The following ECPAS variants were observed in gnomAD, a reference collection of about 807,000 sequenced individuals.
ECPAS encodes proteasome adapter and scaffold protein ECM29.
In ECPAS, 70 loss-of-function variants were observed where a neutral mutation model predicts 255.1. That is an observed-to-expected ratio of 0.27 (90% CI 0.23 to 0.33). ECPAS has a LOEUF of 0.33. Among genes scored for constraint, ECPAS ranks in the 10% least tolerant of loss-of-function variants. The pLI is 1.00. For missense variants in ECPAS, 1,817 were observed against 2,206.4 expected (o/e 0.82, Z 3.54); for synonymous variants, 784 against 775.0 (o/e 1.01, Z -0.19).
At chr9:111,454,900 T>A (rs999072946) in intron 2 of ECPAS, among the ~76,000 whole-genome samples, 19 of 151,950 alleles carry the variant, frequency 1.3e-4, no homozygotes, top group African/African-American at 4.6e-4. Context: ...GACAGAGGTC[T>A]CTGGTCTTGA....
At chr9:111,442,051 G>A (rs1376954824) in intron 5 of ECPAS, among the ~76,000 whole-genome samples, 1 of 152,154 alleles carries the variant, frequency 6.6e-6, no homozygotes, top group African/African-American at 2.4e-5. Context: ...ACTGCTTCAA[G>A]ATAACTAGCC....
chr9:111,467,209 AAGAAG>A (rs966167088), intron 2 of ECPAS, among the ~76,000 whole-genome samples: 2 of 152,180 alleles, frequency 1.3e-5, no homozygotes, highest in Non-Finnish European at 2.9e-5. Flanking sequence ...GAAGAGAAAA[AAGAAG>A]AGAAGAGATG....
Position 111,414,490 on chromosome 9 carries a change from C to T in ECPAS, c.1926G>A (p.Gly642=), listed in dbSNP as rs1428437751. 3 of 1,613,740 alleles carry T rather than the reference C, an allele frequency of 1.9e-6. No homozygotes were observed. The highest frequency in any genetic ancestry group is 2.5e-6 in the Non-Finnish European group (3 of 1,179,836). The stretch of plus-strand genomic sequence containing the variant: ...TGTAGATCTGGACAGGGTTAGTCTC[C>T]CCACTCTTGTTAGATGATGAGGGTG... ...QMAPSSSNKS[G]ETNPVQIYIG... is the part of the protein sequence containing the mutation. The change falls in exon 19 of 50, where the codon GGG becomes GGA. Residue 642 remains glycine, a synonymous_variant. Transcript: ENST00000684092.
At position 111,425,782 on chromosome 9, in the gene ECPAS, C is replaced by A. The variant is rs1194686876; in HGVS notation, c.1097G>T (p.Arg366Ile). The change falls in exon 11 of 50, where the codon AGA (arginine) becomes ATA (isoleucine). Residue 366 changes from arginine to isoleucine, a missense_variant. Around this residue, in one of 4 missense-constraint regions of ECPAS, gnomAD observed 573 missense variants for 716.2 expected, o/e 0.80. Coordinates refer to ENST00000684092, the MANE Select transcript of ECPAS (RefSeq NM_001364929.1). ...LFGTNTNSKLRTLSLQFVHHI... is the reference protein window; with the variant it reads ...LFGTNTNSKLITLSLQFVHHI... ...ATGCACAAATTGCAGGGATAATGTT[C>A]TTAACTTTGAATTTGTATTTGTACC... The A allele has an allele frequency of 6.3e-7, 1 of 1,590,556 alleles. No individual in the cohort carries two copies. Among genetic ancestry groups the A allele is most frequent in the Non-Finnish European group, 8.6e-7 (1 of 1,161,724 alleles).
intron 45 of ECPAS, 96 bp from the exon 46 acceptor site, chr9:111,369,269 T>C: frequency 4.6e-6 from 4 of 869,162 alleles, no homozygotes; most frequent in Non-Finnish European, 6.3e-6. Context: ...AGGCAGGAGA[T>C]ATTAACCAAG....
In ECPAS at chr9:111,425,513, C is replaced by T. The variant is rs770948833; in HGVS notation, c.1137-17G>A. ...TCTGGACAGCTTTAAATAAAACACA[C>T]ATACACAAAGCAAGATAAGAATCTC... is the stretch of plus-strand genomic sequence containing the variant. On this transcript the variant is annotated splice_polypyrimidine_tract_variant and intron_variant, in intron 11 of 49. Transcript: ENST00000684092. 3.2e-6 allele frequency: 5 copies of T among 1,542,086 alleles called. No homozygotes were observed. The highest frequency in any genetic ancestry group is 2.3e-5 in the East Asian group (1 of 43,510).
rs1441209033 is a variant in ECPAS at position 111,390,148 on chromosome 9, T to G, written c.3162-47A>C. On this transcript the variant is annotated intron_variant, in intron 29 of 49. Coordinates refer to ENST00000684092, the MANE Select transcript of ECPAS (RefSeq NM_001364929.1). ...GTAGGCAATAATACACTTCTCTCTC[T>G]CCAGCCTAAAAAATTACATCATCAA... 3 of 1,153,594 alleles carry G rather than the reference T, an allele frequency of 2.6e-6. No individual in the cohort carries two copies. The South Asian group carries it at 4.4e-5, about 17-fold the overall frequency. The allele number at this position is 1,153,594 out of a possible 1,614,324, so 71.5% of individuals were successfully genotyped here.
At chr9:111,437,641 A>G (rs1315198334) in intron 6 of ECPAS, among the ~76,000 whole-genome samples, 1 of 152,218 alleles carries the variant, frequency 6.6e-6, no homozygotes, top group Non-Finnish European at 1.5e-5. Flanking sequence ...CACGTACCAC[A>G]TAAGCACATA....
chr9:111,440,986 A>G (rs2098245047), intron 5 of ECPAS, among the ~76,000 whole-genome samples: 1 of 151,790 alleles, frequency 6.6e-6, no homozygotes, highest in Non-Finnish European at 1.5e-5. Context: ...CCCCGTCTCT[A>G]CTAAAAATAC....
chr9:111,479,096 T>C (rs2098300272), intron 1 of ECPAS, among the ~76,000 whole-genome samples: 1 of 152,098 alleles, frequency 6.6e-6, no homozygotes, highest in Non-Finnish European at 1.5e-5. Context: ...CCAGGGGACC[T>C]AAGAAGCCTG....
intron 41 of ECPAS, 100 bp from the exon 42 acceptor site, chr9:111,372,720 G>C (rs1370455455): frequency 1.1e-6 from 1 of 920,310 alleles, no homozygotes; most frequent in Non-Finnish European, 1.6e-6. Context: ...AAAACAAACA[G>C]GTAAAATCAA....
intron 37 of ECPAS, among the ~76,000 whole-genome samples, chr9:111,376,053 A>G (rs571873060): frequency 1.4e-4 from 21 of 152,324 alleles, no homozygotes; most frequent in African/African-American, 5.1e-4. Context: ...TATGACTAAA[A>G]CAACATATCG....
intron 18 of ECPAS, among the ~76,000 whole-genome samples, chr9:111,415,062 C>A (rs1311122588): frequency 1.3e-5 from 2 of 151,844 alleles, no homozygotes; most frequent in Non-Finnish European, 2.9e-5. Context: ...GGGAGAGGAG[C>A]AGAAAAGATA....
chr9:111,370,822 T>C, intron 43 of ECPAS, 57 bp from the exon 44 acceptor site: 1 of 1,469,308 alleles, frequency 6.8e-7, no homozygotes, highest in East Asian at 2.4e-5. Context: ...ATTTACACTG[T>C]CTAAACCATG....
At chr9:111,363,509 G>A (rs775241486) in intron 49 of ECPAS, 79 bp downstream of exon 49, 4 of 810,258 alleles carry the variant, frequency 4.9e-6, no homozygotes, top group South Asian at 1.5e-5. Flanking sequence ...AAGAGTATAA[G>A]CAAAAACGAA....
chr9:111,416,885 T>C lies in ECPAS; in HGVS notation c.1684-533A>G, dbSNP rs78542968. 2.3e-4 allele frequency among the ~76,000 whole-genome samples: 35 copies of C among 152,280 alleles called. No homozygotes were observed. In the East Asian group the frequency reaches 6.6e-3, roughly 29 times the overall value. On this transcript the variant is annotated intron_variant, in intron 17 of 49. Transcript: ENST00000684092. Reference sequence around the variant, plus strand: ...TGGATGGTCATTACTGCCAATATCCTGGATCTACTAGCAGAAAACACTGTG... The same window carrying C: ...TGGATGGTCATTACTGCCAATATCCCGGATCTACTAGCAGAAAACACTGTG...
In ECPAS at chr9:111,408,576, C is replaced by T; in HGVS notation, c.2647G>A (p.Val883Met). The T allele has an allele frequency of 6.4e-7, 1 of 1,554,194 alleles. No individual in the cohort carries two copies. The highest frequency in any genetic ancestry group is 8.7e-7 in the Non-Finnish European group (1 of 1,151,642). Reference protein sequence around the residue: ...KLLLQGLMDSVEAKQIELQFT... With the variant: ...KLLLQGLMDSMEAKQIELQFT... ...TCAGGTAGCAATATAAATACCTCCACAGAATCCATCAGACCTTGCAAGAGG... is the reference window on the plus strand; with the variant it reads ...TCAGGTAGCAATATAAATACCTCCATAGAATCCATCAGACCTTGCAAGAGG... The change falls in exon 24 of 50, where the codon GTG becomes ATG. Residue 883 changes from valine (V) to methionine (M), a missense_variant. Transcript: ENST00000684092.
intron 12 of ECPAS, among the ~76,000 whole-genome samples, chr9:111,423,709 A>G (rs1357939715): frequency 6.6e-6 from 1 of 151,522 alleles, no homozygotes; most frequent in African/African-American, 2.4e-5. Context: ...ATCTTCTAAA[A>G]ATCTACACTG....
chr9:111,468,658 C>T (rs1046784549), intron 2 of ECPAS, among the ~76,000 whole-genome samples: 5 of 136,268 alleles, frequency 3.7e-5, no homozygotes, highest in Admixed American at 3.2e-4. Context: ...AGAGAGCGAG[C>T]GTGTGTGTGT....
Sources: allele counts gnomAD v4.1 joint callset (sites outside exome capture counted in the v4.1 genomes callset), GRCh38; gene constraint gnomAD v4.1.1; regional missense constraint gnomAD v4.1.1; transcripts MANE v1.5; gene names NCBI Gene and HGNC (gene_info 2026-07-23, HGNC 2026-07-21).